The following MTUS2 variants were observed in gnomAD, a reference collection of about 807,000 sequenced individuals.
The protein encoded by MTUS2 is microtubule associated scaffold protein 2.
A neutral mutation model predicts 114.1 loss-of-function variants in MTUS2; 40 were observed. The observed-to-expected ratio is 0.35, with a 90% CI of 0.27 to 0.46. MTUS2 has a LOEUF of 0.46. MTUS2 is among the 20% of genes least tolerant of loss of function. The pLI is 1.00. For synonymous variants in MTUS2, 688 were observed against 672.0 expected (o/e 1.02, Z -0.37); for missense variants, 1,679 against 1,705.4 (o/e 0.98, Z 0.27).
chr13:28,895,816 C>T (rs1323937532), intron 2 of MTUS2, among the ~76,000 whole-genome samples: 2 of 152,090 alleles, frequency 1.3e-5, no homozygotes, highest in Admixed American at 6.5e-5. Context: ...TGCAGAATTC[C>T]ATTTCTTAGT....
chr13:29,177,203 C>T (rs9550441), intron 5 of MTUS2, among the ~76,000 whole-genome samples: 3,972 of 150,900 alleles, frequency 0.026, 289 homozygotes, highest in African/African-American at 0.07. Flanking sequence ...CAGTTGCAGA[C>T]ATAGTTCTAG....
chr13:29,379,849 A>G (rs937254973), intron 8 of MTUS2, among the ~76,000 whole-genome samples: 1 of 152,250 alleles, frequency 6.6e-6, no homozygotes, highest in Admixed American at 6.5e-5. Context: ...AGAAACAGAC[A>G]TAAGGGTAGA....
intron 5 of MTUS2, among the ~76,000 whole-genome samples, chr13:29,186,509 T>G (rs1894230066): frequency 6.6e-6 from 1 of 152,186 alleles, no homozygotes; most frequent in South Asian, 2.1e-4. Flanking sequence ...AAATAGACTT[T>G]AAGGCAACAA....
At chr13:29,087,158 G>C (rs1889728906) in intron 4 of MTUS2, among the ~76,000 whole-genome samples, 1 of 152,308 alleles carries the variant, frequency 6.6e-6, no homozygotes, top group African/African-American at 2.4e-5. Flanking sequence ...AATGGTGAGA[G>C]TGGACATCCT....
chr13:29,110,959 T>G (rs190856595), intron 5 of MTUS2, among the ~76,000 whole-genome samples: 2 of 152,334 alleles, frequency 1.3e-5, no homozygotes. Flanking sequence ...TTTTCAATAA[T>G]GGAATGATCT....
chr13:28,845,225 C>G (rs182227772), intron 2 of MTUS2, among the ~76,000 whole-genome samples: 2 of 152,318 alleles, frequency 1.3e-5, no homozygotes, highest in African/African-American at 4.8e-5. Context: ...ACTGGGGTAA[C>G]AGGCGTGAGC....
At chr13:29,204,253 C>T (rs1275362580) in intron 5 of MTUS2, among the ~76,000 whole-genome samples, 6 of 152,328 alleles carry the variant, frequency 3.9e-5, no homozygotes, top group East Asian at 1.9e-4. Context: ...CCACCATGCC[C>T]GGCCATGACT....
intron 5 of MTUS2, among the ~76,000 whole-genome samples, chr13:29,260,217 T>C (rs1361352020): frequency 2.0e-5 from 3 of 152,242 alleles, no homozygotes; most frequent in African/African-American, 7.2e-5. Context: ...GGCTTCCCAA[T>C]AGAACACAAC....
chr13:28,983,980 C>A (rs554987095), intron 2 of MTUS2, among the ~76,000 whole-genome samples: 1 of 152,250 alleles, frequency 6.6e-6, no homozygotes, highest in South Asian at 2.1e-4. Context: ...TCTCCACTCT[C>A]TGCTTATGTG....
chr13:29,470,930 C>T (rs746342435), intron 9 of MTUS2, among the ~76,000 whole-genome samples: 3 of 152,326 alleles, frequency 2.0e-5, no homozygotes, highest in Middle Eastern at 3.4e-3. Context: ...GTGTCTTCTC[C>T]GAACAGCCTT....
intron 4 of MTUS2, among the ~76,000 whole-genome samples, chr13:29,062,901 G>A (rs544852485): frequency 2.0e-5 from 3 of 152,276 alleles, no homozygotes; most frequent in Admixed American, 1.3e-4. Flanking sequence ...AAGAATCTGA[G>A]CACTTCATTA....
chr13:29,096,060 G>T (rs1411598171), intron 4 of MTUS2, among the ~76,000 whole-genome samples: 2 of 151,796 alleles, frequency 1.3e-5, no homozygotes, highest in Non-Finnish European at 2.9e-5. Context: ...TTGTTGTAAT[G>T]AAACTTTTAG....
intron 5 of MTUS2, among the ~76,000 whole-genome samples, chr13:29,268,151 C>G (rs1897737568): frequency 6.6e-6 from 1 of 152,074 alleles, no homozygotes; most frequent in African/African-American, 2.4e-5. Flanking sequence ...TCCCCTAGTT[C>G]CCCACCCCCT....
At chr13:29,100,635 A>T in intron 4 of MTUS2, 138 bp from the exon 5 acceptor site, 2 of 1,030,506 alleles carry the variant, frequency 1.9e-6, no homozygotes, top group Non-Finnish European at 2.8e-6. Flanking sequence ...GGTCCATTTT[A>T]GATGTGTTGA....
chr13:28,861,010 G>A (rs539515488), intron 2 of MTUS2, among the ~76,000 whole-genome samples: 50 of 152,200 alleles, frequency 3.3e-4, no homozygotes, highest in African/African-American at 1.1e-3. Context: ...AGCCTGCTGG[G>A]GAGAGCCAGC....
At chr13:29,385,090 A>G (rs1375224070) in intron 8 of MTUS2, among the ~76,000 whole-genome samples, 2 of 152,216 alleles carry the variant, frequency 1.3e-5, no homozygotes, top group African/African-American at 4.8e-5. Flanking sequence ...AGCAAGACCA[A>G]CACAGGCTTC....
chr13:29,125,748 T>C (rs1172678644), intron 5 of MTUS2, among the ~76,000 whole-genome samples: 8 of 152,206 alleles, frequency 5.3e-5, no homozygotes, highest in Non-Finnish European at 1.0e-4. Context: ...TATTTCATGA[T>C]GATTTTTTAA....
intron 5 of MTUS2, among the ~76,000 whole-genome samples, chr13:29,256,767 T>C (rs1018904445): frequency 3.9e-5 from 6 of 152,254 alleles, no homozygotes. Context: ...TGCTCTGCTT[T>C]AAATGAACTT....
At chr13:29,350,960 C>CATATATATATATATATATATATAT (rs56192034) in intron 7 of MTUS2, among the ~76,000 whole-genome samples, 1,813 of 128,058 alleles carry the variant, frequency 0.014, 60 homozygotes, top group Middle Eastern at 0.029. Flanking sequence ...ATATATATTT[C>CATATATATATATATATATATATAT]ATATATATAT....
Sources: allele counts gnomAD v4.1 joint callset (sites outside exome capture counted in the v4.1 genomes callset), GRCh38; gene constraint gnomAD v4.1.1; transcripts MANE v1.5; gene names NCBI Gene and HGNC (gene_info 2026-07-23, HGNC 2026-07-21).